FANCC: variants seen among roughly 807,000 people sequenced by gnomAD.
FANCC encodes FA complementation group C.
A neutral mutation model predicts 71.3 loss-of-function variants in FANCC; 55 were observed. The observed-to-expected ratio is 0.77, with a 90% CI of 0.62 to 0.97. FANCC has a LOEUF of 0.97. Ranked by LOEUF, FANCC falls within the 50% of genes least tolerant of loss-of-function variation. The probability of loss-of-function intolerance (pLI) is 0.00; values close to 1 mark genes in which losing one functional copy is unlikely to be tolerated. For missense variants in FANCC, 678 were observed against 670.9 expected, an observed-to-expected ratio of 1.01 and a Z score of -0.12; for synonymous variants, 275 against 244.9, an observed-to-expected ratio of 1.12 and a Z score of -1.15.
At chr9:95,104,271 G>A (rs1253776927) in intron 14 of FANCC, among the ~76,000 whole-genome samples, 1 of 152,226 alleles carries the variant, frequency 6.6e-6, no homozygotes, top group Non-Finnish European at 1.5e-5. Context: ...CATCCGAAAG[G>A]ACAGCCCCCA....
At chr9:95,245,343 A>G (rs1036237451) in intron 3 of FANCC, among the ~76,000 whole-genome samples, 9 of 152,046 alleles carry the variant, frequency 5.9e-5, no homozygotes, top group African/African-American at 2.2e-4. Context: ...GCACAGAATA[A>G]TAATACAATA....
At position 95,317,684 on chromosome 9, in the gene FANCC, G is replaced by GCGCA. The variant is rs1286573897; in HGVS notation, c.-241_-238dup. The GCGCA allele has an allele frequency of 2.4e-4, 36 of 152,348 alleles. No individual in the cohort carries two copies. Among genetic ancestry groups the GCGCA allele is most frequent in the African/African-American group, 8.7e-4 (36 of 41,572 alleles). 9.4% of individuals were successfully genotyped at this position (152,348 alleles called of 1,614,324 possible). On this transcript the variant is annotated 5_prime_UTR_variant, in exon 1 of 15. Transcript: ENST00000289081. ...GTCGCCCGGCAGTGGAGCCGCGCGC[G>GCGCA]CGCACACGTGTCAGCAGTGCATTCT... is the stretch of plus-strand genomic sequence containing the variant.
At chr9:95,197,444 T>C (rs904273029) in intron 4 of FANCC, among the ~76,000 whole-genome samples, 2 of 151,984 alleles carry the variant, frequency 1.3e-5, no homozygotes, top group Admixed American at 6.6e-5. Context: ...GAAGCTGAGG[T>C]TGGAGGACTG....
At chr9:95,132,284 A>G (rs1827026218) in intron 8 of FANCC, among the ~76,000 whole-genome samples, 1 of 152,248 alleles carries the variant, frequency 6.6e-6, no homozygotes, top group Non-Finnish European at 1.5e-5. Flanking sequence ...TGTGGAATCC[A>G]AAGAATAGCT....
chr9:95,130,684 C>T (rs570876232), intron 8 of FANCC, among the ~76,000 whole-genome samples: 1 of 152,330 alleles, frequency 6.6e-6, no homozygotes, highest in African/African-American at 2.4e-5. Context: ...AATCCCGTCC[C>T]ACCGTGTAGC....
intron 8 of FANCC, among the ~76,000 whole-genome samples, chr9:95,127,776 G>A (rs1394902877): frequency 6.6e-6 from 1 of 152,220 alleles, no homozygotes; most frequent in Non-Finnish European, 1.5e-5. Context: ...GCAGGACCGC[G>A]CCTCCTCGCG....
At chr9:95,158,845 T>C (rs1830586849) in intron 6 of FANCC, among the ~76,000 whole-genome samples, 1 of 152,152 alleles carries the variant, frequency 6.6e-6, no homozygotes, top group Non-Finnish European at 1.5e-5. Context: ...GGTGTAGAAC[T>C]GCTACACATC....
chr9:95,142,604 T>G (rs1564688992), intron 7 of FANCC: 1 of 149,748 alleles, frequency 6.7e-6, no homozygotes, highest in East Asian at 2.0e-4. Context: ...TTACAGTCAT[T>G]CAACCCATTT....
chr9:95,315,287 G>A (rs1835671409), intron 1 of FANCC, among the ~76,000 whole-genome samples: 1 of 152,142 alleles, frequency 6.6e-6, no homozygotes, highest in Non-Finnish European at 1.5e-5. Context: ...GTGCAGTGGC[G>A]CAATCACAGT....
intron 1 of FANCC, among the ~76,000 whole-genome samples, chr9:95,299,733 T>A (rs1189442584): frequency 2.0e-5 from 3 of 152,096 alleles, no homozygotes; most frequent in African/African-American, 7.2e-5. Context: ...TGGTGGCGCA[T>A]GCCTGTGGTT....
intron 1 of FANCC, among the ~76,000 whole-genome samples, chr9:95,263,707 A>G (rs978803578): frequency 6.6e-5 from 10 of 152,156 alleles, no homozygotes; most frequent in Non-Finnish European, 1.3e-4. Flanking sequence ...ATGCGAGTCG[A>G]AAAGGCAAAT....
At chr9:95,304,749 CAAAAAA>C (rs35105777) in intron 1 of FANCC, among the ~76,000 whole-genome samples, 3 of 44,496 alleles carry the variant, frequency 6.7e-5, no homozygotes, top group South Asian at 1.2e-3. Context: ...GACTCTATCT[CAAAAAA>C]AAAAAAAAAA....
chr9:95,172,416 A>G (rs1300612253), intron 4 of FANCC, among the ~76,000 whole-genome samples: 1 of 152,244 alleles, frequency 6.6e-6, no homozygotes, highest in East Asian at 1.9e-4. Context: ...ACCTATATTA[A>G]GAATGGAATC....
chr9:95,244,257 T>C (rs1830806186), intron 3 of FANCC, among the ~76,000 whole-genome samples: 1 of 152,246 alleles, frequency 6.6e-6, no homozygotes, highest in Non-Finnish European at 1.5e-5. Flanking sequence ...CAGCAACTGC[T>C]ACTCCCATTC....
chr9:95,177,000 A>G (rs753113373), intron 4 of FANCC, among the ~76,000 whole-genome samples: 6 of 152,230 alleles, frequency 3.9e-5, no homozygotes, highest in Non-Finnish European at 8.8e-5. Context: ...GAGATTGTAA[A>G]TAATTCTTAA....
rs561912782 is a variant in FANCC at position 95,294,321 on chromosome 9, T to C, written c.-79+23205A>G. ...AGAGTGAACTTAGCACCATGAACAC[T>C]GAGCCAGTCTTGGAGTCACTGGACA... On this transcript the variant is annotated intron_variant, in intron 1 of 14. Coordinates refer to ENST00000289081, the MANE Select transcript of FANCC (RefSeq NM_000136.3). The C allele has an allele frequency of 2.0e-5, 32 of 1,587,622 alleles. No individual in the cohort carries two copies. In the African/African-American group the frequency reaches 3.9e-4, roughly 19 times the overall value.
intron 6 of FANCC, among the ~76,000 whole-genome samples, chr9:95,157,382 G>C (rs966227193): frequency 6.6e-6 from 1 of 152,166 alleles, no homozygotes; most frequent in Admixed American, 6.6e-5. Flanking sequence ...TTGCCACCAA[G>C]TAAAGTCAAC....
chr9:95,156,137 A>C (rs1830453073), intron 6 of FANCC, among the ~76,000 whole-genome samples: 1 of 152,116 alleles, frequency 6.6e-6, no homozygotes, highest in South Asian at 2.1e-4. Flanking sequence ...TGTTGTTAAG[A>C]ATGCTTGTTT....
At chr9:95,194,551 G>A (rs946874601) in intron 4 of FANCC, among the ~76,000 whole-genome samples, 5 of 152,080 alleles carry the variant, frequency 3.3e-5, no homozygotes, top group South Asian at 4.1e-4. Context: ...TGATAGGTGC[G>A]TAGTGATAGC....
Sources: gnomAD v4.1 joint callset for allele counts (sites outside exome capture counted in the v4.1 genomes callset) on GRCh38, gnomAD v4.1.1 for gene constraint, MANE v1.5 for transcripts, NCBI Gene and HGNC (gene_info 2026-07-23, HGNC 2026-07-21) for gene names.